The following ALMS1 variants were observed in gnomAD, a reference collection of about 807,000 sequenced individuals.
The protein encoded by ALMS1 is centrosome-associated protein ALMS1.
A neutral mutation model predicts 352.2 loss-of-function variants in ALMS1; 271 were observed. That is an observed-to-expected ratio of 0.77 (90% CI 0.70 to 0.85). The LOEUF (loss-of-function observed/expected upper bound fraction) is 0.85. ALMS1 is among the 40% of genes least tolerant of loss of function. The pLI, the probability that ALMS1 is intolerant of heterozygous loss-of-function variation, is 0.00. For synonymous variants in ALMS1, 1,865 were observed against 1,761.2 expected, an observed-to-expected ratio of 1.06 and a Z score of -1.48; for missense variants, 5,445 against 4,870.7, an observed-to-expected ratio of 1.12 and a Z score of -3.51.
At chr2:73,551,860 C>G (rs934187433) in intron 13 of ALMS1, among the ~76,000 whole-genome samples, 2 of 152,136 alleles carry the variant, frequency 1.3e-5, no homozygotes, top group East Asian at 3.9e-4. Context: ...TGTATAATTG[C>G]CTGTGTTTGT....
At chr2:73,454,180 A>G (rs1238417270) in intron 8 of ALMS1, 113 bp downstream of exon 8, 7 of 1,491,414 alleles carry the variant, frequency 4.7e-6, no homozygotes, top group African/African-American at 2.8e-5. Flanking sequence ...AGATCAAGAA[A>G]AAAAATGAAG....
rs753799992 is a variant in ALMS1, at chr2:73,426,528, A to G, written c.1313A>G (p.Glu438Gly). Residue 438 changes from glutamate (E) to glycine (G), a missense_variant, in exon 6 of 23, where the codon GAA becomes GGA. Coordinates refer to ENST00000613296, the MANE Select transcript of ALMS1 (RefSeq NM_001378454.1). ...AATGAAAATGCTGTTGTATGCAGTGAAAGAGTTGCTGAACTACAAAGAAAG... is the reference window on the plus strand; with the variant it reads ...AATGAAAATGCTGTTGTATGCAGTGGAAGAGTTGCTGAACTACAAAGAAAG... ...GLNENAVVCS[E>G]RVAELQRKPT... is the part of the protein sequence containing the mutation. 1.4e-5 allele frequency: 22 copies of G among 1,614,026 alleles called. No individual in the cohort carries two copies. The highest frequency in any genetic ancestry group is 1.9e-5 in the Non-Finnish European group (22 of 1,179,964).
intron 1 of ALMS1, among the ~76,000 whole-genome samples, chr2:73,395,235 A>G (rs1670738057): frequency 6.6e-6 from 1 of 151,304 alleles, no homozygotes; most frequent in Non-Finnish European, 1.5e-5. Context: ...GTGTGCCACC[A>G]TGCCTGGCTA....
chr2:73,606,111 A>ATT (rs1675811629), intron 21 of ALMS1, among the ~76,000 whole-genome samples: 3 of 152,024 alleles, frequency 2.0e-5, no homozygotes, highest in African/African-American at 4.8e-5. Context: ...AAACAGTGCC[A>ATT]CTCTTCTCAC....
intron 5 of ALMS1, among the ~76,000 whole-genome samples, chr2:73,426,114 AT>A (rs1258841735): frequency 3.3e-5 from 5 of 152,242 alleles, no homozygotes; most frequent in African/African-American, 4.8e-5. Context: ...ATGTGAAAGT[AT>A]TAACTTCAGA....
chr2:73,491,579 T>TG (rs1558668006), intron 10 of ALMS1, 81 bp downstream of exon 10: 5 of 1,464,298 alleles, frequency 3.4e-6, no homozygotes, highest in East Asian at 2.3e-5. Flanking sequence ...TATCGGTTCT[T>TG]GGGGGAAAGG....
In ALMS1 at chr2:73,508,141, CCCTTTCCTTT is replaced by C. The variant is rs376391271; in HGVS notation, c.9540-11617_9540-11608del. Among the ~76,000 whole-genome samples the C allele has an allele frequency of 5.0e-3, 731 of 146,644 alleles. 10 individuals are homozygous for C. Among genetic ancestry groups the C allele is most frequent in the African/African-American group, 0.018 (701 of 40,020 alleles). On this transcript the variant is annotated intron_variant, in intron 10 of 22. Transcript: ENST00000613296. ...TTTTCTTTTCCTTTCCTTTCCCTTT[CCCTTTCCTTT>C]CCTTTCCTTTCCTTTCTTTTCTTTT...
intron 12 of ALMS1, among the ~76,000 whole-genome samples, chr2:73,546,287 G>A (rs1163956354): frequency 2.0e-5 from 3 of 152,144 alleles, no homozygotes; most frequent in Admixed American, 1.3e-4. Flanking sequence ...CCAAGGTTTA[G>A]TTGGGTTTTC....
intron 16 of ALMS1, among the ~76,000 whole-genome samples, chr2:73,596,516 G>A (rs561720845): frequency 6.7e-6 from 1 of 149,858 alleles, no homozygotes; most frequent in Non-Finnish European, 1.5e-5. Flanking sequence ...CTGTCATCAA[G>A]GCGGGAGTGC....
chr2:73,569,405 G>T lies in ALMS1; in HGVS notation c.10385-2857G>T, dbSNP rs925561564. ...GTTCATTGAAAATACTGATATTAGG[G>T]AATAAACATTTTAGAGCAATGTTAT... On this transcript the variant is annotated intron_variant, in intron 15 of 22. Coordinates refer to ENST00000613296, the MANE Select transcript of ALMS1 (RefSeq NM_001378454.1). Among the ~76,000 whole-genome samples, 8 of 152,112 alleles carry T rather than the reference G, an allele frequency of 5.3e-5. No individual in the cohort carries two copies. The South Asian group carries it at 1.0e-3, about 20-fold the overall frequency.
intron 1 of ALMS1, among the ~76,000 whole-genome samples, chr2:73,386,662 C>T (rs868694859): frequency 7.9e-5 from 12 of 152,084 alleles, no homozygotes; most frequent in African/African-American, 2.9e-4. Context: ...GAGAGGCTCC[C>T]CGCGGGTTTT....
rs373682259 is a variant in ALMS1, at chr2:73,572,737, G to A, written c.10860G>A (p.Arg3620=). The A allele has an allele frequency of 2.5e-6, 4 of 1,614,136 alleles. No homozygotes were observed. Among genetic ancestry groups the A allele is most frequent in the Non-Finnish European group, 3.4e-6 (4 of 1,180,002 alleles). Reference sequence around the variant, plus strand: ...AGAGACAGCCTGAGTTGGGTGACAGGAAAGAACTGTCCTTGGTGGACCGAC... The same window carrying A: ...AGAGACAGCCTGAGTTGGGTGACAGAAAAGAACTGTCCTTGGTGGACCGAC... ...RQQRQPELGD[R]KELSLVDRLD... The change falls in exon 16 of 23, where the codon AGG becomes AGA. Residue 3620 remains arginine, a synonymous_variant. Transcript: ENST00000613296.
chr2:73,417,524 C>T (rs1354992923), intron 2 of ALMS1, among the ~76,000 whole-genome samples: 1 of 152,234 alleles, frequency 6.6e-6, no homozygotes. Flanking sequence ...AACATTTAAA[C>T]GTCTGATCTA....
intron 2 of ALMS1, among the ~76,000 whole-genome samples, chr2:73,417,899 A>T (rs1233501386): frequency 1.3e-5 from 2 of 152,196 alleles, no homozygotes; most frequent in African/African-American, 4.8e-5. Flanking sequence ...CAGCATTGTT[A>T]TTTAGTGTGA....
At chr2:73,469,878 A>G (rs1328132209) in intron 9 of ALMS1, 4 of 151,868 alleles carry the variant, frequency 2.6e-5, no homozygotes, top group African/African-American at 9.7e-5. Context: ...GAAAAAAACA[A>G]TGCCTGACTT....
At chr2:73,404,839 G>A (rs1194154304) in intron 1 of ALMS1, among the ~76,000 whole-genome samples, 1 of 145,638 alleles carries the variant, frequency 6.9e-6, no homozygotes, top group Admixed American at 6.9e-5. Flanking sequence ...AGGAGGATTG[G>A]TGTTAATTCT....
Position 73,449,127 on chromosome 2 carries a change from C to T in ALMS1, c.2600C>T (p.Pro867Leu), listed in dbSNP as rs1236912628. Residue 867 changes from proline to leucine, a missense_variant, in exon 8 of 23, where the codon CCC (proline) becomes CTC (leucine). Physicochemically the swap from Pro to Leu is moderately conservative, Grantham distance 98. Coordinates refer to ENST00000613296, the MANE Select transcript of ALMS1 (RefSeq NM_001378454.1). ...GCGTCCTCTTCACTTGGAGAAAAGCCCAGTGCTTTCTATCAGCAGACCTTA... is the reference window on the plus strand; with the variant it reads ...GCGTCCTCTTCACTTGGAGAAAAGCTCAGTGCTTTCTATCAGCAGACCTTA... ...SSASSSLGEK[P>L]SAFYQQTLPN... The T allele has an allele frequency of 3.7e-6, 6 of 1,613,782 alleles. No homozygotes were observed. The highest frequency in any genetic ancestry group is 5.1e-6 in the Non-Finnish European group (6 of 1,179,932).
intron 9 of ALMS1, among the ~76,000 whole-genome samples, chr2:73,468,973 ACT>A (rs1395602888): frequency 6.6e-6 from 1 of 151,090 alleles, no homozygotes; most frequent in African/African-American, 2.4e-5. Context: ...CCTAAAGGAA[ACT>A]CTCTTAGATT....
chr2:73,545,801 C>T (rs1319013253), intron 12 of ALMS1, among the ~76,000 whole-genome samples: 1 of 152,160 alleles, frequency 6.6e-6, no homozygotes, highest in Non-Finnish European at 1.5e-5. Context: ...TTTAAAAGTG[C>T]AGGTGTTTTG....
Sources: allele counts gnomAD v4.1 joint callset (sites outside exome capture counted in the v4.1 genomes callset), GRCh38; gene constraint gnomAD v4.1.1; transcripts MANE v1.5; gene names NCBI Gene and HGNC (gene_info 2026-07-23, HGNC 2026-07-21).